TSPAN9: variants seen among roughly 807,000 people sequenced by gnomAD.
TSPAN9 encodes the protein tetraspanin 9, also known as tetraspanin-9.
In TSPAN9, 16 loss-of-function variants were observed where a neutral mutation model predicts 31.0. The ratio of observed to expected loss-of-function variants is 0.52; its 90% CI spans 0.35 to 0.78. TSPAN9 has a LOEUF of 0.78. TSPAN9 is among the 30% of genes least tolerant of loss of function. The pLI is 0.01. For synonymous variants in TSPAN9, 145 were observed against 121.6 expected (o/e 1.19, Z -1.27); for missense variants, 272 against 312.5 (o/e 0.87, Z 0.98).
chr12:3,217,768 C>T (rs186871824), intron 3 of TSPAN9, among the ~76,000 whole-genome samples: 87 of 152,168 alleles, frequency 5.7e-4, no homozygotes, highest in Non-Finnish European at 9.9e-4. Context: ...TCCAGGCCTT[C>T]TCTAGCCTGG....
chr12:3,239,967 A>G (rs1206250592), intron 3 of TSPAN9, among the ~76,000 whole-genome samples: 1 of 152,130 alleles, frequency 6.6e-6, no homozygotes, highest in East Asian at 1.9e-4. Context: ...GAGGCCTGAC[A>G]AAGAAGGGCC....
intron 2 of TSPAN9, among the ~76,000 whole-genome samples, chr12:3,184,433 G>GAGAA (rs1018548545): frequency 5.3e-4 from 81 of 151,700 alleles, no homozygotes; most frequent in African/African-American, 1.8e-3. Flanking sequence ...AAGAGAGAGA[G>GAGAA]AGAAAGAAAG....
chr12:3,156,065 T>C (rs2098342115), intron 2 of TSPAN9, among the ~76,000 whole-genome samples: 1 of 152,194 alleles, frequency 6.6e-6, no homozygotes, highest in South Asian at 2.1e-4. Flanking sequence ...ACAAAGCTTT[T>C]CTTAGCTGGG....
At chr12:3,109,193 C>A (rs1290824501) in intron 2 of TSPAN9, among the ~76,000 whole-genome samples, 2 of 151,560 alleles carry the variant, frequency 1.3e-5, no homozygotes, top group South Asian at 4.2e-4. Flanking sequence ...GCCTTGGCCT[C>A]CCAGAGTGCT....
At chr12:3,142,071 C>G (rs925477164) in intron 2 of TSPAN9, among the ~76,000 whole-genome samples, 1 of 152,168 alleles carries the variant, frequency 6.6e-6, no homozygotes, top group African/African-American at 2.4e-5. Context: ...TCCTGTGTGA[C>G]AGGTGCCTTC....
At chr12:3,256,510 G>T (rs373128006) in intron 3 of TSPAN9, among the ~76,000 whole-genome samples, 1 of 152,222 alleles carries the variant, frequency 6.6e-6, no homozygotes, top group African/African-American at 2.4e-5. Flanking sequence ...CGGATGACGG[G>T]CTGTAGCGAG....
chr12:3,142,867 C>T (rs137895847), intron 2 of TSPAN9, among the ~76,000 whole-genome samples: 64 of 152,336 alleles, frequency 4.2e-4, no homozygotes, highest in African/African-American at 1.1e-3. Context: ...ACTGTTCCCA[C>T]GAGCGCCCTT....
At chr12:3,281,122 TGG>T in intron 6 of TSPAN9, 74 bp from the exon 7 acceptor site, 3 of 1,536,866 alleles carry the variant, frequency 2.0e-6, no homozygotes, top group Non-Finnish European at 1.8e-6. Context: ...GGGGTTGGCC[TGG>T]GCAGGGGAAG....
chr12:3,118,351 T>C (rs985537548), intron 2 of TSPAN9, among the ~76,000 whole-genome samples: 7 of 141,498 alleles, frequency 4.9e-5, no homozygotes, highest in Admixed American at 2.3e-4. Context: ...AACCTCTGCC[T>C]CCTGGATTCA....
At chr12:3,237,113 A>C (rs965832032) in intron 3 of TSPAN9, among the ~76,000 whole-genome samples, 1 of 152,170 alleles carries the variant, frequency 6.6e-6, no homozygotes, top group African/African-American at 2.4e-5. Context: ...CATGGGTAGA[A>C]TGTGTCCAGG....
At chr12:3,277,135 C>A (rs1321914724) in intron 3 of TSPAN9, among the ~76,000 whole-genome samples, 1 of 152,210 alleles carries the variant, frequency 6.6e-6, no homozygotes, top group African/African-American at 2.4e-5. Flanking sequence ...ATTCTCACAG[C>A]AGTCCAATAG....
intron 2 of TSPAN9, among the ~76,000 whole-genome samples, chr12:3,085,541 TCATGCTCTGGAGC>T (rs1174894235): frequency 6.6e-6 from 1 of 152,152 alleles, no homozygotes; most frequent in East Asian, 1.9e-4. Context: ...GCATTTCTCG[TCATGCTCTGGAGC>T]CATGCTCTGG....
chr12:3,226,692 G>A (rs940821382), intron 3 of TSPAN9, among the ~76,000 whole-genome samples: 25 of 17,246 alleles, frequency 1.4e-3, no homozygotes, highest in Admixed American at 3.1e-3. Context: ...GTGTGTGTGT[G>A]TGTGTGTGTG....
intron 2 of TSPAN9, among the ~76,000 whole-genome samples, chr12:3,105,017 C>T (rs2098313577): frequency 6.6e-6 from 1 of 152,160 alleles, no homozygotes; most frequent in Non-Finnish European, 1.5e-5. Flanking sequence ...TGAGGGCAGG[C>T]CCTCTGCTTT....
At chr12:3,211,293 G>C (rs1380326747) in intron 3 of TSPAN9, among the ~76,000 whole-genome samples, 1 of 152,192 alleles carries the variant, frequency 6.6e-6, no homozygotes, top group Non-Finnish European at 1.5e-5. Flanking sequence ...ACCGCCACCT[G>C]TGTTTCTGTG....
At chr12:3,269,615 G>T (rs1421186865) in intron 3 of TSPAN9, among the ~76,000 whole-genome samples, 1 of 151,262 alleles carries the variant, frequency 6.6e-6, no homozygotes, top group Non-Finnish European at 1.5e-5. Context: ...TTCCTGCATA[G>T]GGATGGGAGA....
rs74652221 is a variant in TSPAN9 at position 3,237,384 on chromosome 12, G to A, written c.63+36128G>A. 7.9e-5 allele frequency among the ~76,000 whole-genome samples: 12 copies of A among 152,312 alleles called. No individual in the cohort carries two copies. In the East Asian group the frequency reaches 1.9e-3, roughly 25 times the overall value. Reference sequence around the variant, plus strand: ...GACCTGCAAAGCATTCTGTGAGGCCGTTCTGGTCCCTGTATTTCCCACCTA... The same window carrying A: ...GACCTGCAAAGCATTCTGTGAGGCCATTCTGGTCCCTGTATTTCCCACCTA... On this transcript the variant is annotated intron_variant, in intron 3 of 8. Transcript: ENST00000011898.
chr12:3,205,356 G>A (rs554566394), intron 3 of TSPAN9, among the ~76,000 whole-genome samples: 18 of 152,192 alleles, frequency 1.2e-4, no homozygotes, highest in Non-Finnish European at 1.6e-4. Context: ...GGGTGGCCCC[G>A]GGCAGAGTGC....
chr12:3,238,566 C>T lies in TSPAN9; in HGVS notation c.63+37310C>T, dbSNP rs531208314. The stretch of plus-strand genomic sequence containing the variant: ...AGAAAACATCGCCGACCCTTCCATG[C>T]CTCACGGGAACGGCCCTGGCTGAGA... On this transcript the variant is annotated intron_variant, in intron 3 of 8. Coordinates refer to ENST00000011898, the MANE Select transcript of TSPAN9 (RefSeq NM_006675.5). Among the ~76,000 whole-genome samples, 3 of 152,378 alleles carry T rather than the reference C, an allele frequency of 2.0e-5. No individual in the cohort carries two copies. The South Asian group carries it at 6.2e-4, about 32-fold the overall frequency.
Sources: gnomAD v4.1 joint callset for allele counts (sites outside exome capture counted in the v4.1 genomes callset) on GRCh38, gnomAD v4.1.1 for gene constraint, MANE v1.5 for transcripts, NCBI Gene and HGNC (gene_info 2026-07-23, HGNC 2026-07-21) for gene names.